CCDC152: variants seen among roughly 807,000 people sequenced by gnomAD.
CCDC152 encodes the protein coiled-coil domain-containing protein 152.
CCDC152 carries 37 observed loss-of-function variants against 38.1 expected under a neutral mutation model. The observed-to-expected ratio is 0.97, with a 90% CI of 0.75 to 1.28. The LOEUF (loss-of-function observed/expected upper bound fraction) is 1.28. Among genes scored for constraint, CCDC152 ranks in the 50% most tolerant of loss-of-function variants. CCDC152 has a pLI of 0.00. For synonymous variants in CCDC152, 83 were observed against 87.1 expected, an observed-to-expected ratio of 0.95 and a Z score of 0.26; for missense variants, 259 against 292.1, an observed-to-expected ratio of 0.89 and a Z score of 0.83.
chr5:42,769,593 T>G lies in CCDC152; in HGVS notation c.194-4T>G. The G allele has an allele frequency of 6.8e-7, 1 of 1,471,538 alleles. No individual in the cohort carries two copies. Among genetic ancestry groups the G allele is most frequent in the Non-Finnish European group, 9.0e-7 (1 of 1,111,232 alleles). The allele number at this position is 1,471,538 out of a possible 1,614,324, so 91.2% of individuals were successfully genotyped here. A position where few individuals can be genotyped will look rare whatever the true frequency, so the allele number is the denominator to read the frequency against. On this transcript the variant is annotated splice_polypyrimidine_tract_variant and splice_region_variant and intron_variant, in intron 3 of 8. Transcript: ENST00000361970. ...TTAAAATAAATTTATCTTTTATATT[T>G]CAGAATGTGCTACTCTTCATAATAT...
chr5:42,783,578 T>C lies in CCDC152; in HGVS notation c.430+2T>C. Reference sequence around the variant, plus strand: ...TTTATCAGGACATGCAGAGAAAAGGTAAGTTTAAAATAAACTTGCTTTTTT... The same window carrying C: ...TTTATCAGGACATGCAGAGAAAAGGCAAGTTTAAAATAAACTTGCTTTTTT... On this transcript the variant is annotated splice_donor_variant, in intron 6 of 8. Coordinates refer to ENST00000361970, the MANE Select transcript of CCDC152 (RefSeq NM_001134848.2). LOFTEE classifies it high-confidence loss of function. 1 of 1,336,552 alleles carries C rather than the reference T, an allele frequency of 7.5e-7. No individual in the cohort carries two copies. Among genetic ancestry groups the C allele is most frequent in the Non-Finnish European group, 9.7e-7 (1 of 1,029,248 alleles). 82.8% of individuals were successfully genotyped at this position (1,336,552 alleles called of 1,614,324 possible). A position where few individuals can be genotyped will look rare whatever the true frequency, so the allele number is the denominator to read the frequency against.
chr5:42,761,516 G>A (rs918813765), intron 2 of CCDC152, among the ~76,000 whole-genome samples: 2 of 152,110 alleles, frequency 1.3e-5, no homozygotes, highest in Non-Finnish European at 2.9e-5. Flanking sequence ...TCAGGAGGCT[G>A]AAGCAGGAGA....
rs1226452107 is a variant in CCDC152 at position 42,802,256 on chromosome 5, C to T, written c.*2475C>T. On this transcript the variant is annotated 3_prime_UTR_variant, in exon 9 of 9. Transcript: ENST00000361970. ...TGGAAGTCTTTACTGTTTTGTGGTA[C>T]CTACTAATCAGAGACTCAAAGCCTA... is the stretch of plus-strand genomic sequence containing the variant. The T allele has an allele frequency of 6.6e-6, 1 of 152,096 alleles. No homozygotes were observed. Among genetic ancestry groups the T allele is most frequent in the Non-Finnish European group, 1.5e-5 (1 of 68,016 alleles). The allele number at this position is 152,096 out of a possible 1,614,324, so 9.4% of individuals were successfully genotyped here.
At chr5:42,774,991 T>A (rs1371381234) in intron 4 of CCDC152, among the ~76,000 whole-genome samples, 1 of 145,398 alleles carries the variant, frequency 6.9e-6, no homozygotes, top group African/African-American at 2.5e-5. Context: ...AGCTTGAGAA[T>A]ATGTCAATAG....
Position 42,763,084 on chromosome 5 carries a change from G to T in CCDC152, c.193+536G>T, listed in dbSNP as rs535085679. On this transcript the variant is annotated intron_variant, in intron 3 of 8. Transcript: ENST00000361970. ...GGAACCAACGTTTTTTTGAGACATG[G>T]CTGATTATAGCACTGGGGCAGGAAA... Among the ~76,000 whole-genome samples the T allele has an allele frequency of 2.6e-5, 4 of 152,170 alleles. No homozygotes were observed. In the East Asian group the frequency reaches 7.7e-4, roughly 29 times the overall value.
intron 3 of CCDC152, among the ~76,000 whole-genome samples, chr5:42,766,133 C>T (rs1579706717): frequency 6.6e-6 from 1 of 152,120 alleles, no homozygotes; most frequent in Admixed American, 6.5e-5. Context: ...CAGAAGAAGA[C>T]ATACAAATGG....
At chr5:42,763,061 A>T (rs1043349000) in intron 3 of CCDC152, among the ~76,000 whole-genome samples, 3 of 152,206 alleles carry the variant, frequency 2.0e-5, no homozygotes, top group African/African-American at 7.2e-5. Context: ...TAATAAAAGG[A>T]ACCAACGTTT....
chr5:42,759,018 T>G, intron 1 of CCDC152, 102 bp from the exon 2 acceptor site: 38 of 775,078 alleles, frequency 4.9e-5, no homozygotes, highest in Non-Finnish European at 7.3e-5. Context: ...AGGTGCCCTA[T>G]GAGTTGAATA....
intron 2 of CCDC152, among the ~76,000 whole-genome samples, chr5:42,760,162 G>T (rs1759531757): frequency 6.6e-6 from 1 of 151,930 alleles, no homozygotes; most frequent in Non-Finnish European, 1.5e-5. Context: ...AAATTAGCCG[G>T]GCGTGGTGGC....
intron 4 of CCDC152, among the ~76,000 whole-genome samples, chr5:42,770,494 A>G (rs556613384): frequency 2.0e-4 from 28 of 139,714 alleles, no homozygotes; most frequent in African/African-American, 6.3e-4. Context: ...CATAATCTAC[A>G]TGTCTTTTTT....
chr5:42,801,971 C>T lies in CCDC152; in HGVS notation c.*2190C>T, dbSNP rs1760215771. ...TTGAACTATATGGAAACTTCTGTAC[C>T]TGTGTCAACGGTGCATCTTATCTAA... On this transcript the variant is annotated 3_prime_UTR_variant, in exon 9 of 9. Transcript: ENST00000361970. The T allele has an allele frequency of 6.6e-6, 1 of 152,086 alleles. No individual in the cohort carries two copies. The highest frequency in any genetic ancestry group is 6.6e-5 in the Admixed American group (1 of 15,260). 9.4% of individuals were successfully genotyped at this position (152,086 alleles called of 1,614,324 possible). A position where few individuals can be genotyped will look rare whatever the true frequency, so the allele number is the denominator to read the frequency against.
intron 5 of CCDC152, 127 bp downstream of exon 5, chr5:42,779,649 A>G: frequency 1.9e-6 from 1 of 515,798 alleles, no homozygotes; most frequent in African/African-American, 1.9e-5. Context: ...GTGTGTGTGG[A>G]GATATACGTA....
chr5:42,798,938 T>C (rs117893888), intron 7 of CCDC152, among the ~76,000 whole-genome samples: 2,981 of 152,232 alleles, frequency 0.02, 36 homozygotes, highest in Middle Eastern at 0.061. Context: ...CTAGGTGAGG[T>C]TTTCTTCCTT....
chr5:42,798,455 G>GTGC (rs141597505), intron 7 of CCDC152, among the ~76,000 whole-genome samples: 11 of 152,054 alleles, frequency 7.2e-5, no homozygotes, highest in African/African-American at 2.7e-4. Context: ...TTTGCTGCTG[G>GTGC]TGCTGCTGCT....
At chr5:42,786,450 A>G (rs557053941) in intron 6 of CCDC152, among the ~76,000 whole-genome samples, 2 of 151,986 alleles carry the variant, frequency 1.3e-5, no homozygotes, top group South Asian at 4.2e-4. Context: ...GATCTTTTGT[A>G]TTTCTGTGGT....
intron 4 of CCDC152, 40 bp downstream of exon 4, chr5:42,769,705 G>A: frequency 6.9e-7 from 1 of 1,453,814 alleles, no homozygotes; most frequent in East Asian, 2.7e-5. Flanking sequence ...AAAGCATTGT[G>A]TATTTGAGCA....
At chr5:42,782,573 T>G (rs1759860427) in intron 5 of CCDC152, among the ~76,000 whole-genome samples, 1 of 152,012 alleles carries the variant, frequency 6.6e-6, no homozygotes, top group Non-Finnish European at 1.5e-5. Flanking sequence ...AAATTTTAGT[T>G]GGAAAGGAGG....
chr5:42,783,071 C>T (rs1460998101), intron 5 of CCDC152, among the ~76,000 whole-genome samples: 2 of 151,950 alleles, frequency 1.3e-5, no homozygotes, highest in Non-Finnish European at 2.9e-5. Flanking sequence ...GGGGTTTCAC[C>T]GTGTTAGCCA....
intron 3 of CCDC152, among the ~76,000 whole-genome samples, chr5:42,762,834 A>G (rs1759571814): frequency 6.6e-6 from 1 of 152,234 alleles, no homozygotes; most frequent in South Asian, 2.1e-4. Flanking sequence ...AAGTCTCAAT[A>G]CAGGCCTATA....
Sources: gnomAD v4.1 joint callset for allele counts (sites outside exome capture counted in the v4.1 genomes callset) on GRCh38, gnomAD v4.1.1 for gene constraint, MANE v1.5 for transcripts, NCBI Gene and HGNC (gene_info 2026-07-23, HGNC 2026-07-21) for gene names.